SKIC3: variants seen among roughly 807,000 people sequenced by gnomAD.
The protein encoded by SKIC3 is SKI3 subunit of superkiller complex.
chr5:95,479,129 T>G, the SKIC3 span, among the ~76,000 whole-genome samples: 1 of 152,156 alleles, frequency 6.6e-6, no homozygotes, highest in South Asian at 2.1e-4. Context: ...ATAAGTGAAT[T>G]TAGCAAGGTG....
At chr5:95,528,108 A>G in the SKIC3 span, 1 of 1,613,872 alleles carries the variant, frequency 6.2e-7, no homozygotes, top group Non-Finnish European at 8.5e-7. Context: ...TTCCTCTGAT[A>G]AAGACTGTTA....
At chr5:95,485,980 C>A in the SKIC3 span, among the ~76,000 whole-genome samples, 2 of 152,100 alleles carry the variant, frequency 1.3e-5, no homozygotes, top group Admixed American at 1.3e-4. Flanking sequence ...AGGAAAGAGA[C>A]CCCTAACAGT....
the SKIC3 span, among the ~76,000 whole-genome samples, chr5:95,474,011 G>A: frequency 6.6e-6 from 1 of 152,136 alleles, no homozygotes; most frequent in African/African-American, 2.4e-5. Flanking sequence ...GTATTTCCTA[G>A]GTTTTCTTTT....
the SKIC3 span, chr5:95,520,829 G>A: frequency 5.7e-6 from 9 of 1,586,858 alleles, no homozygotes; most frequent in Admixed American, 1.2e-4. Context: ...CTAAAATCAG[G>A]TAAGTTTGTC....
the SKIC3 span, among the ~76,000 whole-genome samples, chr5:95,487,577 T>C: frequency 6.6e-6 from 1 of 151,916 alleles, no homozygotes; most frequent in Non-Finnish European, 1.5e-5. Context: ...ACCAAAGAAA[T>C]CACAAATATC....
chr5:95,490,991 T>C, the SKIC3 span: 1 of 1,614,098 alleles, frequency 6.2e-7, no homozygotes, highest in Non-Finnish European at 8.5e-7. Context: ...CAGTTTATCA[T>C]CAGCGTGACA....
At chr5:95,551,389 G>A in the SKIC3 span, among the ~76,000 whole-genome samples, 45 of 152,070 alleles carry the variant, frequency 3.0e-4, no homozygotes, top group African/African-American at 1.1e-3. Context: ...GAGGCAGGTA[G>A]GGATGAACAA....
At chr5:95,508,467 C>A in the SKIC3 span, among the ~76,000 whole-genome samples, 2 of 152,166 alleles carry the variant, frequency 1.3e-5, no homozygotes, top group African/African-American at 4.8e-5. Context: ...CATGCCAAAT[C>A]CACTCCTCCA....
chr5:95,513,057 T>A, the SKIC3 span: 3 of 185,622 alleles, frequency 1.6e-5, no homozygotes, highest in African/African-American at 7.2e-5. Flanking sequence ...ATCTATTAAA[T>A]CTAAACATCA....
chr5:95,546,914 G>A, the SKIC3 span: 4 of 754,512 alleles, frequency 5.3e-6, no homozygotes, highest in African/African-American at 3.4e-5. Flanking sequence ...GCTAACTAGA[G>A]GTTAAAAGTC....
chr5:95,465,041 C>T, the SKIC3 span, among the ~76,000 whole-genome samples: 4 of 151,100 alleles, frequency 2.6e-5, no homozygotes, highest in Admixed American at 6.6e-5. Context: ...GATTCTCCCA[C>T]CTCAGCCTTC....
At chr5:95,511,492 C>T in the SKIC3 span, among the ~76,000 whole-genome samples, 1 of 152,158 alleles carries the variant, frequency 6.6e-6, no homozygotes, top group African/African-American at 2.4e-5. Context: ...AGGCAAACCC[C>T]CCCAAGTGCT....
chr5:95,493,121 T>A, the SKIC3 span, among the ~76,000 whole-genome samples: 1 of 152,156 alleles, frequency 6.6e-6, no homozygotes, highest in African/African-American at 2.4e-5. Context: ...CTGACAAGAC[T>A]CCCTGGAATA....
the SKIC3 span, among the ~76,000 whole-genome samples, chr5:95,533,400 T>A: frequency 6.6e-6 from 1 of 152,156 alleles, no homozygotes; most frequent in Non-Finnish European, 1.5e-5. Flanking sequence ...CCTTACAGAT[T>A]CTCAGAAGTT....
chr5:95,540,872 A>G, the SKIC3 span: 1,521 of 1,599,508 alleles, frequency 9.5e-4, 11 homozygotes, highest in African/African-American at 0.017. Flanking sequence ...TCCAAAATGT[A>G]AAAATGCCAA....
At chr5:95,541,215 C>T in the SKIC3 span, 1 of 1,234,732 alleles carries the variant, frequency 8.1e-7, no homozygotes, top group Non-Finnish European at 1.2e-6. Context: ...ATCTGCCTGC[C>T]TCAGCCTCCC....
At chr5:95,477,334 T>C in the SKIC3 span, among the ~76,000 whole-genome samples, 1 of 152,058 alleles carries the variant, frequency 6.6e-6, no homozygotes, top group Non-Finnish European at 1.5e-5. Context: ...AAATGTGCTC[T>C]ACAGTAATGG....
chr5:95,517,256 C>T, the SKIC3 span: 2 of 1,613,302 alleles, frequency 1.2e-6, no homozygotes, highest in East Asian at 2.2e-5. Flanking sequence ...CGACAGCATA[C>T]AGACAGGTAC....
the SKIC3 span, among the ~76,000 whole-genome samples, chr5:95,542,715 A>G: frequency 6.6e-6 from 1 of 152,240 alleles, no homozygotes; most frequent in African/African-American, 2.4e-5. Flanking sequence ...TGAGATACCA[A>G]ACAAAGTTAT....
Sources: gnomAD v4.1 joint callset for allele counts (sites outside exome capture counted in the v4.1 genomes callset) on GRCh38, gnomAD v4.1.1 for gene constraint, MANE v1.5 for transcripts, NCBI Gene and HGNC (gene_info 2026-07-23, HGNC 2026-07-21) for gene names.